UBE2E2: variants seen among roughly 807,000 people sequenced by gnomAD.
UBE2E2 encodes the protein ubiquitin conjugating enzyme E2 E2.
Under a neutral mutation model 24.7 loss-of-function variants are expected in UBE2E2, and 6 were observed. That is an observed-to-expected ratio of 0.24 (90% confidence interval 0.13 to 0.48). The LOEUF is 0.48. Ranked by LOEUF, UBE2E2 falls within the 20% of genes least tolerant of loss-of-function variation. The probability of loss-of-function intolerance (pLI) is 0.99; values close to 1 mark genes in which losing one functional copy is unlikely to be tolerated. For synonymous variants in UBE2E2, 104 were observed against 83.6 expected (o/e 1.24, Z -1.33); for missense variants, 169 against 245.0 (o/e 0.69, Z 2.07).
At chr3:23,377,175 G>A (rs1397156050) in intron 3 of UBE2E2, among the ~76,000 whole-genome samples, 1 of 152,088 alleles carries the variant, frequency 6.6e-6, no homozygotes, top group Non-Finnish European at 1.5e-5. Context: ...CAACCTACAA[G>A]GAAATCAAGC....
chr3:23,477,786 C>T (rs1285332279), intron 3 of UBE2E2, among the ~76,000 whole-genome samples: 1 of 152,258 alleles, frequency 6.6e-6, no homozygotes, highest in African/African-American at 2.4e-5. Flanking sequence ...TTGTAACCGC[C>T]ATAATCGACA....
intron 3 of UBE2E2, among the ~76,000 whole-genome samples, chr3:23,264,943 C>A (rs1274630558): frequency 6.6e-6 from 1 of 152,128 alleles, no homozygotes; most frequent in Non-Finnish European, 1.5e-5. Context: ...TAGATATAGA[C>A]TGAAAAGTGT....
At chr3:23,292,197 A>T (rs1024403743) in intron 3 of UBE2E2, among the ~76,000 whole-genome samples, 1 of 152,050 alleles carries the variant, frequency 6.6e-6, no homozygotes, top group African/African-American at 2.4e-5. Context: ...TAGGCTGCTC[A>T]AACTCCTCGG....
chr3:23,483,781 A>G (rs1041665461), intron 3 of UBE2E2, among the ~76,000 whole-genome samples: 3 of 152,220 alleles, frequency 2.0e-5, no homozygotes, highest in African/African-American at 7.2e-5. Context: ...ATTCTGATTC[A>G]TCTGGTCTGA....
At chr3:23,358,321 G>GA (rs1696022372) in intron 3 of UBE2E2, among the ~76,000 whole-genome samples, 1 of 152,138 alleles carries the variant, frequency 6.6e-6, no homozygotes, top group Non-Finnish European at 1.5e-5. Context: ...TTAGATTTTA[G>GA]AAAAATAACT....
intron 5 of UBE2E2, among the ~76,000 whole-genome samples, chr3:23,580,048 A>G (rs1479941814): frequency 1.3e-5 from 2 of 152,372 alleles, no homozygotes; most frequent in East Asian, 1.9e-4. Flanking sequence ...GAACAGATGA[A>G]GAGTTGCTTA....
intron 3 of UBE2E2, among the ~76,000 whole-genome samples, chr3:23,343,002 G>T (rs984859313): frequency 6.6e-6 from 1 of 151,746 alleles, no homozygotes; most frequent in Non-Finnish European, 1.5e-5. Flanking sequence ...TTATTCTTTT[G>T]GTAGCATAAC....
At chr3:23,584,816 C>T (rs1696580609) in intron 5 of UBE2E2, among the ~76,000 whole-genome samples, 1 of 150,388 alleles carries the variant, frequency 6.6e-6, no homozygotes, top group African/African-American at 2.4e-5. Flanking sequence ...AGGCCATCCT[C>T]CTGCCTCAAC....
At chr3:23,556,453 T>TAAAAA (rs1321819270) in intron 5 of UBE2E2, among the ~76,000 whole-genome samples, 24,175 of 65,566 alleles carry the variant, frequency 0.37, 3,181 homozygotes, top group East Asian at 0.51. Flanking sequence ...TAAAATTTAT[T>TAAAAA]TAAAAAAAAA....
chr3:23,285,223 A>G (rs1698589278), intron 3 of UBE2E2, among the ~76,000 whole-genome samples: 1 of 152,082 alleles, frequency 6.6e-6, no homozygotes. Flanking sequence ...TTCTTCTTTT[A>G]TGGCTGAATA....
At chr3:23,260,751 C>G (rs1173380733) in intron 3 of UBE2E2, among the ~76,000 whole-genome samples, 1 of 152,078 alleles carries the variant, frequency 6.6e-6, no homozygotes, top group Non-Finnish European at 1.5e-5. Flanking sequence ...TGTGTTTGCA[C>G]CTTGGCAGTC....
Position 23,364,764 on chromosome 3 carries a change from T to G in UBE2E2, c.228-134844T>G, listed in dbSNP as rs924758565. ...TGAGGTGGAGGGAATCCTCTCTAAT[T>G]CATTCTGTGAGGCTAGCATCATTAT... On this transcript the variant is annotated intron_variant, in intron 3 of 5. Coordinates refer to ENST00000396703, the MANE Select transcript of UBE2E2 (RefSeq NM_152653.4). 3.9e-5 allele frequency among the ~76,000 whole-genome samples: 6 copies of G among 152,216 alleles called. 1 individual carries two copies. The highest frequency in any genetic ancestry group is 1.4e-4 in the African/African-American group (6 of 41,520).
intron 3 of UBE2E2, among the ~76,000 whole-genome samples, chr3:23,258,782 A>G (rs1697810894): frequency 6.6e-6 from 1 of 150,926 alleles, no homozygotes; most frequent in South Asian, 2.1e-4. Flanking sequence ...AGTCCCAGCT[A>G]CTCGGGAGGC....
At chr3:23,496,729 A>G (rs868322333) in intron 3 of UBE2E2, among the ~76,000 whole-genome samples, 2 of 152,068 alleles carry the variant, frequency 1.3e-5, no homozygotes, top group African/African-American at 2.4e-5. Context: ...ATTATTCTCA[A>G]TGTCTTCTGG....
At chr3:23,476,195 G>A (rs1322581015) in intron 3 of UBE2E2, among the ~76,000 whole-genome samples, 2 of 152,018 alleles carry the variant, frequency 1.3e-5, no homozygotes, top group Non-Finnish European at 2.9e-5. Context: ...CTACCAAACA[G>A]TAGGATTCAT....
chr3:23,498,278 CT>C (rs550972560), intron 3 of UBE2E2, among the ~76,000 whole-genome samples: 1 of 152,176 alleles, frequency 6.6e-6, no homozygotes, highest in Non-Finnish European at 1.5e-5. Context: ...TTTAATCCAT[CT>C]GCAACAGCAT....
At chr3:23,270,900 C>G (rs1048099035) in intron 3 of UBE2E2, 1 of 455,952 alleles carries the variant, frequency 2.2e-6, no homozygotes, top group African/African-American at 2.0e-5. Flanking sequence ...AATTGTCTAA[C>G]ATTTATGAAA....
In UBE2E2 at chr3:23,260,333, G is replaced by A. The variant is rs182401732; in HGVS notation, c.227+43021G>A. Among the ~76,000 whole-genome samples, 617 of 152,144 alleles carry A rather than the reference G, an allele frequency of 4.1e-3. 3 individuals carry two copies. Among genetic ancestry groups the A allele is most frequent in the Middle Eastern group, 0.017 (5 of 294 alleles). On this transcript the variant is annotated intron_variant, in intron 3 of 5. Transcript: ENST00000396703. ...CCAAATTGTACTTGAATTATTTTCAGTCTGCCAAGAATGTTTCATTCTGTA... is the reference window on the plus strand; with the variant it reads ...CCAAATTGTACTTGAATTATTTTCAATCTGCCAAGAATGTTTCATTCTGTA...
At chr3:23,553,740 A>G (rs7624174) in intron 5 of UBE2E2, among the ~76,000 whole-genome samples, 47,932 of 151,962 alleles carry the variant, frequency 0.32, 8,382 homozygotes, top group East Asian at 0.49. Context: ...AGTCCATGGC[A>G]TTTCTGTACA....
Sources: allele counts gnomAD v4.1 joint callset (sites outside exome capture counted in the v4.1 genomes callset), GRCh38; gene constraint gnomAD v4.1.1; transcripts MANE v1.5; gene names NCBI Gene and HGNC (gene_info 2026-07-23, HGNC 2026-07-21).